The following NET1 variants were observed in gnomAD, a reference collection of about 807,000 sequenced individuals.
The protein encoded by NET1 is neuroepithelial cell transforming 1.
A neutral mutation model predicts 61.1 loss-of-function variants in NET1; 42 were observed. The observed-to-expected ratio is 0.69, with a 90% CI of 0.54 to 0.89. The LOEUF (loss-of-function observed/expected upper bound fraction) is 0.89. Ranked by LOEUF, NET1 falls within the 40% of genes least tolerant of loss-of-function variation. The pLI is 0.00. For synonymous variants in NET1, 254 were observed against 281.8 expected, an observed-to-expected ratio of 0.90 and a Z score of 0.99; for missense variants, 654 against 747.3, an observed-to-expected ratio of 0.88 and a Z score of 1.46.
intron 1 of NET1, among the ~76,000 whole-genome samples, chr10:5,418,994 G>T (rs2119165545): frequency 6.6e-6 from 1 of 152,104 alleles, no homozygotes; most frequent in Admixed American, 6.5e-5. Flanking sequence ...TCATTACATT[G>T]CAGCTGGAAA....
chr10:5,435,315 A>G lies in NET1; in HGVS notation c.255+6086A>G, dbSNP rs1280620931. On this transcript the variant is annotated intron_variant, in intron 3 of 11. Coordinates refer to ENST00000355029, the MANE Select transcript of NET1 (RefSeq NM_001047160.3). The surrounding 1 kb of genome is among the most constrained non-coding windows in gnomAD (Gnocchi z 5.0). ...TGTATAGCTAGAGTTAAAAACTAGA[A>G]TGTGACATTCTTAAAGTTATTCCTC... Among the ~76,000 whole-genome samples, 2 of 152,174 alleles carry G rather than the reference A, an allele frequency of 1.3e-5. No individual in the cohort carries two copies. The highest frequency in any genetic ancestry group is 2.9e-5 in the Non-Finnish European group (2 of 68,018).
chr10:5,438,550 A>T (rs1483025887), intron 3 of NET1, among the ~76,000 whole-genome samples: 2 of 152,198 alleles, frequency 1.3e-5, no homozygotes, highest in African/African-American at 4.8e-5. Context: ...ATGGAGAGAA[A>T]ATCTGACTAA....
At position 5,427,447 on chromosome 10, in the gene NET1, T is replaced by G. The variant is rs1832275120; in HGVS notation, c.195+726T>G. ...CACTTCTTCTCCTTCTCCATATTAG[T>G]CCATTCCCAGGCTCTGCTCTAACCA... On this transcript the variant is annotated intron_variant, in intron 2 of 11. Coordinates refer to ENST00000355029, the MANE Select transcript of NET1 (RefSeq NM_001047160.3). This position sits in a 1 kb window ranked among gnomAD's most constrained non-coding sequence, Gnocchi z 4.1. Among the ~76,000 whole-genome samples, 1 of 152,174 alleles carries G rather than the reference T, an allele frequency of 6.6e-6. No homozygotes were observed. The highest frequency in any genetic ancestry group is 2.1e-4 in the South Asian group (1 of 4,828).
Position 5,455,957 on chromosome 10 carries a change from A to G in NET1, c.1198-130A>G, listed in dbSNP as rs1832789712. ...AATTGCCATCTTTATGGATTACTAG[A>G]TTTGTCACTTAGAGAGATCTTCGAA... On this transcript the variant is annotated intron_variant, in intron 10 of 11. Coordinates refer to ENST00000355029, the MANE Select transcript of NET1 (RefSeq NM_001047160.3). The surrounding 1 kb of genome is among the most constrained non-coding windows in gnomAD (Gnocchi z 6.5). 3 of 898,936 alleles carry G rather than the reference A, an allele frequency of 3.3e-6. No individual in the cohort carries two copies. The highest frequency in any genetic ancestry group is 1.7e-5 in the African/African-American group (1 of 59,622). 55.7% of individuals were successfully genotyped at this position (898,936 alleles called of 1,614,324 possible).
chr10:5,456,553 CTGA>C lies in NET1; in HGVS notation c.1385-33_1385-31del. 1 of 1,506,388 alleles carries C rather than the reference CTGA, an allele frequency of 6.6e-7. No homozygotes were observed. The highest frequency in any genetic ancestry group is 1.4e-5 in the South Asian group (1 of 73,918). The allele number at this position is 1,506,388 out of a possible 1,614,324, so 93.3% of individuals were successfully genotyped here. A position where few individuals can be genotyped will look rare whatever the true frequency, so the allele number is the denominator to read the frequency against. Reference sequence around the variant, plus strand: ...TGTCTAGAATAAACCTTTTTTTAGCCTGATTTCTTTTTTTTTTCCAATTTTTTT... The same window carrying C: ...TGTCTAGAATAAACCTTTTTTTAGCCTTTCTTTTTTTTTTCCAATTTTTTT... On this transcript the variant is annotated intron_variant, in intron 11 of 11. Transcript: ENST00000355029. The surrounding 1 kb of genome is among the most constrained non-coding windows in gnomAD (Gnocchi z 7.0).
In NET1 at chr10:5,452,529, T is replaced by C. The variant is rs1358784167; in HGVS notation, c.531+4T>C. The C allele has an allele frequency of 6.2e-7, 1 of 1,608,268 alleles. No homozygotes were observed. The highest frequency in any genetic ancestry group is 8.5e-7 in the Non-Finnish European group (1 of 1,176,942). On this transcript the variant is annotated splice_donor_region_variant and intron_variant, in intron 5 of 11. Transcript: ENST00000355029. The surrounding 1 kb of genome is among the most constrained non-coding windows in gnomAD (Gnocchi z 4.0). ...CAGGGAGATCAGACGGCAGGAGGTA[T>C]GCTGGCACTCAGTGTACATGTTTTC...
rs1224678526 is a variant in NET1, at chr10:5,446,405, G to T, written c.256-5425G>T. On this transcript the variant is annotated intron_variant, in intron 3 of 11. Coordinates refer to ENST00000355029, the MANE Select transcript of NET1 (RefSeq NM_001047160.3). The surrounding 1 kb of genome is among the most constrained non-coding windows in gnomAD (Gnocchi z 5.0). Reference sequence around the variant, plus strand: ...TAACGTAACAATTTGTTTTACTTCGGGAATGCATTTTAAATCAGGAAGAGA... The same window carrying T: ...TAACGTAACAATTTGTTTTACTTCGTGAATGCATTTTAAATCAGGAAGAGA... 3 of 201,712 alleles carry T rather than the reference G, an allele frequency of 1.5e-5. No homozygotes were observed. The East Asian group carries it at 5.6e-4, about 37-fold the overall frequency. 12.5% of individuals were successfully genotyped at this position (201,712 alleles called of 1,614,324 possible).
Position 5,431,073 on chromosome 10 carries a change from G to T in NET1, c.255+1844G>T, listed in dbSNP as rs1057138682. On this transcript the variant is annotated intron_variant, in intron 3 of 11. Transcript: ENST00000355029. The surrounding 1 kb of genome is among the most constrained non-coding windows in gnomAD (Gnocchi z 4.9). ...TTTTCAGTAGAGACGGGGTTTCACC[G>T]TGTTAGCCAGGATGGTCTCGATCTC... 6.6e-6 allele frequency among the ~76,000 whole-genome samples: 1 copy of T among 151,252 alleles called. No individual in the cohort carries two copies. Among genetic ancestry groups the T allele is most frequent in the East Asian group, 1.9e-4 (1 of 5,138 alleles).
At position 5,449,202 on chromosome 10, in the gene NET1, T is replaced by C. The variant is rs1832666510; in HGVS notation, c.256-2628T>C. Among the ~76,000 whole-genome samples the C allele has an allele frequency of 6.6e-6, 1 of 152,224 alleles. No individual in the cohort carries two copies. The highest frequency in any genetic ancestry group is 1.5e-5 in the Non-Finnish European group (1 of 68,036). The stretch of plus-strand genomic sequence containing the variant: ...CATTTCATAATCACACTTTTCGTTA[T>C]TTTAGTCATTAAAATTGTTCATACT... On this transcript the variant is annotated intron_variant, in intron 3 of 11. Coordinates refer to ENST00000355029, the MANE Select transcript of NET1 (RefSeq NM_001047160.3). The surrounding 1 kb of genome is among the most constrained non-coding windows in gnomAD (Gnocchi z 4.4).
rs761573177 is a variant in NET1 at position 5,446,735 on chromosome 10, T to C, written c.256-5095T>C. The C allele has an allele frequency of 3.8e-6, 6 of 1,575,578 alleles. No homozygotes were observed. In the East Asian group the frequency reaches 9.1e-5, roughly 24 times the overall value. ...ACAGCGCTGACTCGGTGTGGATTGA[T>C]TGGAAAGGTTTGAGGGAGTACTTGG... On this transcript the variant is annotated intron_variant, in intron 3 of 11. Coordinates refer to ENST00000355029, the MANE Select transcript of NET1 (RefSeq NM_001047160.3). The surrounding 1 kb of genome is among the most constrained non-coding windows in gnomAD (Gnocchi z 5.0).
chr10:5,443,325 A>G lies in NET1; in HGVS notation c.256-8505A>G, dbSNP rs1186843743. 6.6e-6 allele frequency among the ~76,000 whole-genome samples: 1 copy of G among 152,238 alleles called. No individual in the cohort carries two copies. Among genetic ancestry groups the G allele is most frequent in the Non-Finnish European group, 1.5e-5 (1 of 68,038 alleles). ...CTAAAATTGAGATAATAAGTACTTC[A>G]TAGAGTTGATTAAGATAACATGTAT... On this transcript the variant is annotated intron_variant, in intron 3 of 11. Coordinates refer to ENST00000355029, the MANE Select transcript of NET1 (RefSeq NM_001047160.3). This position sits in a 1 kb window ranked among gnomAD's most constrained non-coding sequence, Gnocchi z 4.8.
chr10:5,445,173 C>T (rs887271360), intron 3 of NET1, among the ~76,000 whole-genome samples: 2 of 152,210 alleles, frequency 1.3e-5, no homozygotes, highest in African/African-American at 4.8e-5. Context: ...ACGCACAGCC[C>T]GTGATCTCAG....
chr10:5,450,098 G>A (rs1832681166), intron 3 of NET1, among the ~76,000 whole-genome samples: 1 of 152,184 alleles, frequency 6.6e-6, no homozygotes, highest in South Asian at 2.1e-4. Context: ...CGTGGGGGAG[G>A]CATCCACACA....
chr10:5,443,004 C>T lies in NET1; in HGVS notation c.256-8826C>T, dbSNP rs968826171. Among the ~76,000 whole-genome samples, 2 of 152,182 alleles carry T rather than the reference C, an allele frequency of 1.3e-5. No homozygotes were observed. Among genetic ancestry groups the T allele is most frequent in the Admixed American group, 6.5e-5 (1 of 15,286 alleles). ...GCTATAAGGCAGCTAATCTCTCAAC[C>T]GTTTTTATGGTTTCCTCCTCTATAA... On this transcript the variant is annotated intron_variant, in intron 3 of 11. Transcript: ENST00000355029. This position sits in a 1 kb window ranked among gnomAD's most constrained non-coding sequence, Gnocchi z 4.8.
Position 5,452,401 on chromosome 10 carries a change from A to G in NET1, c.407A>G (p.Gln136Arg). 6.2e-7 allele frequency: 1 copy of G among 1,614,058 alleles called. No individual in the cohort carries two copies. Reference sequence around the variant, plus strand: ...GACCACAGATCCCCAGCCTCTGCCCAGAAGTTTTCTAGCAGGTCAACAGTC... The same window carrying G: ...GACCACAGATCCCCAGCCTCTGCCCGGAAGTTTTCTAGCAGGTCAACAGTC... ...RGDHRSPASAQKFSSRSTVPT... is the reference protein window; with the variant it reads ...RGDHRSPASARKFSSRSTVPT... Residue 136 changes from glutamine (Q) to arginine (R), a missense_variant, in exon 5 of 12, where the codon CAG becomes CGG. Gln to Arg is a conservative substitution (Grantham distance 43). Transcript: ENST00000355029. The surrounding 1 kb of genome is among the most constrained non-coding windows in gnomAD (Gnocchi z 4.0).
rs1359349339 is a variant in NET1 at position 5,432,315 on chromosome 10, A to G, written c.255+3086A>G. The stretch of plus-strand genomic sequence containing the variant: ...CTTAATCTTATCAGTCTTACTATGT[A>G]GAGTTCCTTCAACTTCACCAAAAGT... On this transcript the variant is annotated intron_variant, in intron 3 of 11. Coordinates refer to ENST00000355029, the MANE Select transcript of NET1 (RefSeq NM_001047160.3). 2.6e-5 allele frequency among the ~76,000 whole-genome samples: 4 copies of G among 152,252 alleles called. No individual in the cohort carries two copies. The East Asian group carries it at 5.8e-4, about 22-fold the overall frequency.
chr10:5,442,138 A>C (rs1455716192), intron 3 of NET1, among the ~76,000 whole-genome samples: 1 of 152,254 alleles, frequency 6.6e-6, no homozygotes. Flanking sequence ...TTTACTGGTC[A>C]TATTTTTCCA....
chr10:5,441,136 C>T lies in NET1; in HGVS notation c.256-10694C>T, dbSNP rs1832519101. ...ACCCTCTGAAGAGCTGTGTAAAACA[C>T]ACCACAGACTTCTCCTCTCAACGGA... On this transcript the variant is annotated intron_variant, in intron 3 of 11. Coordinates refer to ENST00000355029, the MANE Select transcript of NET1 (RefSeq NM_001047160.3). This position sits in a 1 kb window ranked among gnomAD's most constrained non-coding sequence, Gnocchi z 4.6. Among the ~76,000 whole-genome samples the T allele has an allele frequency of 6.6e-6, 1 of 152,242 alleles. No individual in the cohort carries two copies. Among genetic ancestry groups the T allele is most frequent in the African/African-American group, 2.4e-5 (1 of 41,458 alleles).
rs1274357729 is a variant in NET1, at chr10:5,446,958, T to C, written c.256-4872T>C. On this transcript the variant is annotated intron_variant, in intron 3 of 11. Coordinates refer to ENST00000355029, the MANE Select transcript of NET1 (RefSeq NM_001047160.3). The surrounding 1 kb of genome is among the most constrained non-coding windows in gnomAD (Gnocchi z 5.0). ...GTATTAACAGTATAATTTTAAACTT[T>C]TGATCTTATTATTACAATGTATGTT... 6 of 862,860 alleles carry C rather than the reference T, an allele frequency of 7.0e-6. No individual in the cohort carries two copies. The African/African-American group carries it at 8.5e-5, about 12-fold the overall frequency. The allele number at this position is 862,860 out of a possible 1,614,324, so 53.5% of individuals were successfully genotyped here.
Sources: allele counts gnomAD v4.1 joint callset (sites outside exome capture counted in the v4.1 genomes callset), GRCh38; gene constraint gnomAD v4.1.1; non-coding constraint Gnocchi (gnomAD v3.1); transcripts MANE v1.5; gene names NCBI Gene and HGNC (gene_info 2026-07-23, HGNC 2026-07-21).